The following STX17 variants were observed in gnomAD, a reference collection of about 807,000 sequenced individuals.
The protein encoded by STX17 is syntaxin 17.
In STX17, 29 loss-of-function variants were observed where a neutral mutation model predicts 35.9. That is an observed-to-expected ratio of 0.81 (90% CI 0.60 to 1.10). The LOEUF (loss-of-function observed/expected upper bound fraction) is 1.10, where lower values mean the gene tolerates loss of function less well. STX17 is among the 50% of genes least tolerant of loss of function. The probability of loss-of-function intolerance (pLI) is 0.00; values close to 1 mark genes in which losing one functional copy is unlikely to be tolerated. For synonymous variants in STX17, 92 were observed against 118.3 expected (o/e 0.78, Z 1.44); for missense variants, 312 against 352.3 (o/e 0.89, Z 0.92).
rs751822879 is a variant in STX17, at chr9:99,915,219, G to GA, written c.-21_-20insA. On this transcript the variant is annotated 5_prime_UTR_variant, in exon 2 of 8. The change abolishes the stop of an existing upstream ORF in the 5' untranslated region. Transcript: ENST00000259400. ...GGAGAAGACAGCTGTTACCAGGGAG[G>GA]TCATACAACATTTTTTTAGGATGTC... 1.2e-5 allele frequency: 19 copies of GA among 1,605,618 alleles called. No individual in the cohort carries two copies. In the African/African-American group the frequency reaches 2.3e-4, roughly 19 times the overall value.
At chr9:99,962,055 A>G (rs2118527208) in intron 6 of STX17, among the ~76,000 whole-genome samples, 1 of 152,040 alleles carries the variant, frequency 6.6e-6, no homozygotes, top group Non-Finnish European at 1.5e-5. Context: ...TCCTCACTCT[A>G]TCCCACCCCA....
At chr9:99,964,577 A>G (rs559914936) in intron 6 of STX17, among the ~76,000 whole-genome samples, 1 of 152,290 alleles carries the variant, frequency 6.6e-6, no homozygotes, top group African/African-American at 2.4e-5. Flanking sequence ...AAGATTGTCA[A>G]ATGTGGGAGG....
intron 1 of STX17, among the ~76,000 whole-genome samples, chr9:99,911,911 A>T (rs1049443542): frequency 2.0e-5 from 3 of 152,152 alleles, no homozygotes; most frequent in African/African-American, 7.2e-5. Flanking sequence ...ACTAATTTAC[A>T]TTCCCACCAA....
intron 4 of STX17, among the ~76,000 whole-genome samples, chr9:99,953,358 T>C (rs1394437014): frequency 6.6e-6 from 1 of 152,112 alleles, no homozygotes; most frequent in Non-Finnish European, 1.5e-5. Context: ...AATTTTGTAA[T>C]TTCACATGCA....
intron 4 of STX17, among the ~76,000 whole-genome samples, chr9:99,957,413 A>G (rs1395859576): frequency 1.3e-5 from 2 of 152,182 alleles, no homozygotes; most frequent in Non-Finnish European, 1.5e-5. Context: ...ATTCCTTGAG[A>G]GAATGTACTC....
intron 1 of STX17, chr9:99,913,881 ATATT>A (rs1435094320): frequency 6.6e-6 from 1 of 152,250 alleles, no homozygotes; most frequent in African/African-American, 2.4e-5. Flanking sequence ...AAGGGGATAA[ATATT>A]TAATGTTTTG....
chr9:99,968,304 C>G (rs1035313918), intron 7 of STX17, 130 bp from the exon 8 acceptor site: 2 of 1,154,976 alleles, frequency 1.7e-6, no homozygotes, highest in East Asian at 5.1e-5. Flanking sequence ...CCTACAAGTA[C>G]AGTCTCTAAG....
At chr9:99,945,786 A>G in intron 3 of STX17, 1 of 368,350 alleles carries the variant, frequency 2.7e-6, no homozygotes, top group Non-Finnish European at 5.4e-6. Flanking sequence ...TTTTTTTTTT[A>G]AATGGACAGT....
At chr9:99,933,591 AT>A (rs544625562) in intron 3 of STX17, among the ~76,000 whole-genome samples, 6 of 152,150 alleles carry the variant, frequency 3.9e-5, no homozygotes, top group African/African-American at 1.2e-4. Flanking sequence ...GGGGATCTTT[AT>A]AGTTTTTTGC....
chr9:99,917,588 T>G (rs1828800420), intron 2 of STX17, among the ~76,000 whole-genome samples: 1 of 152,212 alleles, frequency 6.6e-6, no homozygotes, highest in Non-Finnish European at 1.5e-5. Flanking sequence ...TAGTGTGCTG[T>G]GGACACCTGG....
intron 3 of STX17, among the ~76,000 whole-genome samples, chr9:99,945,102 T>C (rs111280212): frequency 1.0e-3 from 152 of 152,308 alleles, no homozygotes; most frequent in African/African-American, 3.4e-3. Flanking sequence ...TATAATGTTC[T>C]ATATAATTTA....
At chr9:99,968,294 C>T in intron 7 of STX17, 140 bp from the exon 8 acceptor site, 1 of 1,054,814 alleles carries the variant, frequency 9.5e-7, no homozygotes, top group Non-Finnish European at 1.3e-6. Context: ...TCTTTTCCCC[C>T]CTACAAGTAC....
intron 4 of STX17, among the ~76,000 whole-genome samples, chr9:99,953,303 C>A (rs1186624417): frequency 6.6e-6 from 1 of 151,992 alleles, no homozygotes; most frequent in Non-Finnish European, 1.5e-5. Context: ...CATAATGGAC[C>A]TAAATGTTTT....
chr9:99,920,459 C>T (rs552821031), intron 2 of STX17, among the ~76,000 whole-genome samples: 1 of 152,278 alleles, frequency 6.6e-6, no homozygotes, highest in East Asian at 1.9e-4. Flanking sequence ...CACTTAATGA[C>T]CTTGTAAGCT....
At chr9:99,933,097 T>C (rs1286945586) in intron 3 of STX17, among the ~76,000 whole-genome samples, 2 of 152,184 alleles carry the variant, frequency 1.3e-5, no homozygotes, top group Non-Finnish European at 2.9e-5. Context: ...TTCAAGTCTT[T>C]AATCCATCTG....
At chr9:99,916,436 TTC>T (rs1828775781) in intron 2 of STX17, among the ~76,000 whole-genome samples, 59 of 150,562 alleles carry the variant, frequency 3.9e-4, no homozygotes, top group Middle Eastern at 3.4e-3. Flanking sequence ...TATTTATTCA[TTC>T]ATTCATTCAT....
chr9:99,935,113 G>A (rs1053108045), intron 3 of STX17, among the ~76,000 whole-genome samples: 3 of 152,020 alleles, frequency 2.0e-5, no homozygotes, highest in Middle Eastern at 3.4e-3. Context: ...GGCAGATCAC[G>A]AGGTCAGGAG....
intron 4 of STX17, among the ~76,000 whole-genome samples, chr9:99,956,156 T>A (rs1829706878): frequency 6.6e-6 from 1 of 152,172 alleles, no homozygotes; most frequent in Admixed American, 6.6e-5. Flanking sequence ...CTGTTTGAAC[T>A]AAGATGCATA....
chr9:99,947,342 T>C (rs1829505195), intron 3 of STX17, among the ~76,000 whole-genome samples: 1 of 152,220 alleles, frequency 6.6e-6, no homozygotes, highest in Non-Finnish European at 1.5e-5. Context: ...TTTATTTTTA[T>C]GCCTTTGAAC....
Sources: gnomAD v4.1 joint callset for allele counts (sites outside exome capture counted in the v4.1 genomes callset) on GRCh38, gnomAD v4.1.1 for gene constraint, MANE v1.5 for transcripts, NCBI Gene and HGNC (gene_info 2026-07-23, HGNC 2026-07-21) for gene names.